Variants in TXNDC11 observed in about 807,000 individuals in gnomAD.
The protein encoded by TXNDC11 is thioredoxin domain containing 11, also known as thioredoxin domain-containing protein 11.
TXNDC11 carries 68 observed loss-of-function variants against 78.0 expected under a neutral mutation model. The observed-to-expected ratio is 0.87, with a 90% CI of 0.72 to 1.07. TXNDC11 has a LOEUF of 1.07. Ranked by LOEUF, TXNDC11 falls within the 50% of genes least tolerant of loss-of-function variation. TXNDC11 has a pLI of 0.00. For synonymous variants in TXNDC11, 571 were observed against 495.2 expected (o/e 1.15, Z -2.03); for missense variants, 1,389 against 1,221.8 (o/e 1.14, Z -2.04).
Position 11,713,595 on chromosome 16 carries a change from T to C in TXNDC11, c.793+7982A>G, listed in dbSNP as rs554953364. Among the ~76,000 whole-genome samples the C allele has an allele frequency of 4.6e-5, 7 of 152,178 alleles. 1 individual carries two copies. The South Asian group carries it at 1.2e-3, about 27-fold the overall frequency. ...CCATGCCTGCCTATTTTTGTATTTT[T>C]AGTAAACACCGGGTTTCTCCGTGTT... is the stretch of plus-strand genomic sequence containing the variant. On this transcript the variant is annotated intron_variant, in intron 5 of 11. Coordinates refer to ENST00000283033, the MANE Select transcript of TXNDC11 (RefSeq NM_015914.7).
intron 5 of TXNDC11, among the ~76,000 whole-genome samples, chr16:11,709,010 G>A (rs886196916): frequency 2.6e-5 from 4 of 152,098 alleles, no homozygotes; most frequent in African/African-American, 9.7e-5. Flanking sequence ...CCAATAAAGT[G>A]TCCATTAAAA....
At chr16:11,742,444 C>A (rs940481032) in intron 1 of TXNDC11, 33 bp downstream of exon 1, 1 of 1,378,294 alleles carries the variant, frequency 7.3e-7, no homozygotes, top group Non-Finnish European at 9.3e-7. Context: ...AGGGGAGCGC[C>A]CTAGCGGGGC....
At chr16:11,722,829 G>A (rs538731865) in intron 4 of TXNDC11, among the ~76,000 whole-genome samples, 98 of 152,274 alleles carry the variant, frequency 6.4e-4, no homozygotes, top group African/African-American at 2.3e-3. Flanking sequence ...TGTTGGTAAA[G>A]TTTAAAATCA....
intron 4 of TXNDC11, among the ~76,000 whole-genome samples, chr16:11,726,505 G>C (rs924635049): frequency 2.0e-5 from 3 of 149,776 alleles, no homozygotes; most frequent in Non-Finnish European, 4.4e-5. Context: ...ACTTGAACCT[G>C]GCAGGTGGAG....
Position 11,742,836 on chromosome 16 carries a change from C to T in TXNDC11, c.-106G>A. The T allele has an allele frequency of 1.5e-6, 2 of 1,356,046 alleles. No individual in the cohort carries two copies. The highest frequency in any genetic ancestry group is 1.9e-6 in the Non-Finnish European group (2 of 1,059,506). 84.0% of individuals were successfully genotyped at this position (1,356,046 alleles called of 1,614,324 possible). ...CCCGCAGCTCGCCGCACCCGCTAAC[C>T]CGGACGCTCCACGTCAGCCGCGCCG... On this transcript the variant is annotated 5_prime_UTR_variant, in exon 1 of 12. Transcript: ENST00000283033.
intron 5 of TXNDC11, among the ~76,000 whole-genome samples, chr16:11,705,069 G>A (rs527830778): frequency 6.6e-6 from 1 of 152,018 alleles, no homozygotes; most frequent in Non-Finnish European, 1.5e-5. Flanking sequence ...TAATTTTTCT[G>A]TATTTTTAGT....
chr16:11,718,323 G>A (rs555460858), intron 5 of TXNDC11, among the ~76,000 whole-genome samples: 1 of 152,276 alleles, frequency 6.6e-6, no homozygotes, highest in South Asian at 2.1e-4. Flanking sequence ...ATAAATGCTG[G>A]TAGCCAGCTG....
chr16:11,693,660 C>T (rs2050780080), intron 7 of TXNDC11, among the ~76,000 whole-genome samples: 1 of 152,176 alleles, frequency 6.6e-6, no homozygotes, highest in African/African-American at 2.4e-5. Context: ...CACTTTATAA[C>T]CCACCAGAAA....
chr16:11,694,158 G>C (rs568742886), intron 7 of TXNDC11, among the ~76,000 whole-genome samples: 5 of 128,606 alleles, frequency 3.9e-5, no homozygotes, highest in African/African-American at 1.2e-4. Context: ...TGCCCAGGCC[G>C]GAGTACAATG....
chr16:11,699,117 T>C (rs1053275431), intron 6 of TXNDC11, among the ~76,000 whole-genome samples: 3 of 152,214 alleles, frequency 2.0e-5, no homozygotes, highest in African/African-American at 7.2e-5. Flanking sequence ...AGATTTAAAT[T>C]GACTCATAAC....
rs77587299 is a variant in TXNDC11, at chr16:11,735,353, T to C, written c.471+664A>G. 1.7e-3 allele frequency among the ~76,000 whole-genome samples: 252 copies of C among 152,342 alleles called. 8 individuals carry two copies. In the East Asian group the frequency reaches 0.042, roughly 26 times the overall value. Reference sequence around the variant, plus strand: ...CATACTAAAATATATATCATTTAGTTACAAATTACTTTCTTCCCCCCTCAC... The same window carrying C: ...CATACTAAAATATATATCATTTAGTCACAAATTACTTTCTTCCCCCCTCAC... On this transcript the variant is annotated intron_variant, in intron 2 of 11. Coordinates refer to ENST00000283033, the MANE Select transcript of TXNDC11 (RefSeq NM_015914.7).
intron 5 of TXNDC11, among the ~76,000 whole-genome samples, chr16:11,717,711 C>A (rs997982104): frequency 2.7e-5 from 4 of 150,504 alleles, no homozygotes; most frequent in African/African-American, 9.9e-5. Context: ...ATCCCAGCTA[C>A]TCGGGAGGCT....
chr16:11,735,252 A>T (rs1278806258), intron 2 of TXNDC11, among the ~76,000 whole-genome samples: 1 of 152,186 alleles, frequency 6.6e-6, no homozygotes, highest in African/African-American at 2.4e-5. Flanking sequence ...TATCACCTTT[A>T]TCAGTCTACG....
At position 11,742,596 on chromosome 16, in the gene TXNDC11, C is replaced by T; in HGVS notation, c.135G>A (p.Ala45=). Residue 45 remains alanine, a synonymous_variant, in exon 1 of 12, where the codon GCG becomes GCA. Transcript: ENST00000283033. ...SSPTLATASS[A]GRLRRGLRGA... ...CACGCAGCCCGCGACGGAGCCGGCC[C>T]GCCGAGGACGCTGTGGCCAGGGTCG... 1 of 1,457,490 alleles carries T rather than the reference C, an allele frequency of 6.9e-7. No individual in the cohort carries two copies. The highest frequency in any genetic ancestry group is 3.0e-5 in the East Asian group (1 of 33,180). The allele number at this position is 1,457,490 out of a possible 1,614,324, so 90.3% of individuals were successfully genotyped here. A position where few individuals can be genotyped will look rare whatever the true frequency, so the allele number is the denominator to read the frequency against.
intron 5 of TXNDC11, among the ~76,000 whole-genome samples, chr16:11,703,069 T>C (rs1412132843): frequency 6.6e-6 from 1 of 151,812 alleles, no homozygotes; most frequent in Non-Finnish European, 1.5e-5. Flanking sequence ...CAGTGATGTA[T>C]CACACACCCT....
chr16:11,695,920 A>C (rs1045798627), intron 7 of TXNDC11, among the ~76,000 whole-genome samples: 1 of 152,028 alleles, frequency 6.6e-6, no homozygotes, highest in African/African-American at 2.4e-5. Context: ...CTGTAGTCCC[A>C]GCTACTTGGG....
intron 4 of TXNDC11, among the ~76,000 whole-genome samples, chr16:11,725,905 TCA>T (rs2141100174): frequency 6.6e-6 from 1 of 152,282 alleles, no homozygotes; most frequent in African/African-American, 2.4e-5. Flanking sequence ...AGATGGAGTC[TCA>T]CTCTGTTGCC....
chr16:11,702,092 G>GTGTATATATATATATATATATATATATA (rs150869552), intron 5 of TXNDC11, among the ~76,000 whole-genome samples: 2 of 144,366 alleles, frequency 1.4e-5, no homozygotes, highest in African/African-American at 5.1e-5. Flanking sequence ...GTATGTATGT[G>GTGTATATATATATATATATATATATATA]TATATATATA....
intron 5 of TXNDC11, among the ~76,000 whole-genome samples, chr16:11,700,772 TGTCTCTGACTAAC>T (rs1398729263): frequency 3.3e-5 from 5 of 152,216 alleles, no homozygotes; most frequent in African/African-American, 1.2e-4. Context: ...TCTGAGAGGA[TGTCTCTGACTAAC>T]GTCTCTGACA....
Sources: gnomAD v4.1 joint callset for allele counts (sites outside exome capture counted in the v4.1 genomes callset) on GRCh38, gnomAD v4.1.1 for gene constraint, MANE v1.5 for transcripts, NCBI Gene and HGNC (gene_info 2026-07-23, HGNC 2026-07-21) for gene names.